ATXN10: variants seen among roughly 807,000 people sequenced by gnomAD.
ATXN10 encodes the protein ataxin-10.
In ATXN10, 28 loss-of-function variants were observed where a neutral mutation model predicts 52.9. The observed-to-expected ratio is 0.53, with a 90% CI of 0.39 to 0.73. The LOEUF is 0.73. ATXN10 is among the 30% of genes least tolerant of loss of function. ATXN10 has a pLI of 0.00. For missense variants in ATXN10, 565 were observed against 577.0 expected (o/e 0.98, Z 0.21); for synonymous variants, 226 against 221.5 (o/e 1.02, Z -0.18).
chr22:45,791,014 C>A (rs1027104968), intron 9 of ATXN10, among the ~76,000 whole-genome samples: 25 of 152,070 alleles, frequency 1.6e-4, no homozygotes, highest in African/African-American at 6.0e-4. Flanking sequence ...ACTGTCACAC[C>A]CAGCTAATTT....
Position 45,740,526 on chromosome 22 carries a change from T to C in ATXN10, c.1161T>C (p.Asp387=). ...GAAATCTGTGTTACAAGAATAAAGA[T>C]AACCAAGACAAGGTAAGAGGATTTC... is the stretch of plus-strand genomic sequence containing the variant. ...LIGNLCYKNK[D]NQDKVNELDG... The change falls in exon 9 of 12, where the codon GAT becomes GAC. Residue 387 remains aspartate (D), a synonymous_variant. Coordinates refer to ENST00000252934, the MANE Select transcript of ATXN10 (RefSeq NM_013236.4). 2 of 1,613,768 alleles carry C rather than the reference T, an allele frequency of 1.2e-6. No individual in the cohort carries two copies. The highest frequency in any genetic ancestry group is 1.7e-6 in the Non-Finnish European group (2 of 1,179,786).
rs577411697 is a variant in ATXN10, at chr22:45,844,907, T to G, written c.*1236T>G. On this transcript the variant is annotated 3_prime_UTR_variant, in exon 12 of 12. Transcript: ENST00000252934. The stretch of plus-strand genomic sequence containing the variant: ...CTGATTTGTAAAAATAGCTTAAGCA[T>G]GTTGAGAATGAAGTAAAAGTTTTCC... 2 of 152,246 alleles carry G rather than the reference T, an allele frequency of 1.3e-5. No homozygotes were observed. Among genetic ancestry groups the G allele is most frequent in the African/African-American group, 2.4e-5 (1 of 41,466 alleles). The allele number at this position is 152,246 out of a possible 1,614,324, so 9.4% of individuals were successfully genotyped here.
chr22:45,770,030 A>AC lies in ATXN10; in HGVS notation c.1173+29492_1173+29493insC, dbSNP rs200587355. 2.6e-5 allele frequency among the ~76,000 whole-genome samples: 4 copies of AC among 152,368 alleles called. No homozygotes were observed. In the East Asian group the frequency reaches 7.7e-4, roughly 29 times the overall value. ...CCCAGATGGCAAGACTAAGAGCTGAAGAAGGGCGGCTTAGGGTTTCTAGAC... is the reference window on the plus strand; with the variant it reads ...CCCAGATGGCAAGACTAAGAGCTGAACGAAGGGCGGCTTAGGGTTTCTAGAC... On this transcript the variant is annotated intron_variant, in intron 9 of 11. Coordinates refer to ENST00000252934, the MANE Select transcript of ATXN10 (RefSeq NM_013236.4). This position sits in a 1 kb window ranked among gnomAD's most constrained non-coding sequence, Gnocchi z 4.5.
At chr22:45,692,155 A>G (rs1923407849) in intron 2 of ATXN10, among the ~76,000 whole-genome samples, 1 of 152,216 alleles carries the variant, frequency 6.6e-6, no homozygotes, top group Non-Finnish European at 1.5e-5. Flanking sequence ...TGAATGTACA[A>G]CACAAGTTTA....
In ATXN10 at chr22:45,823,066, T is replaced by A. The variant is rs1928704431; in HGVS notation, c.1237+16044T>A. ...CTTATTATTTCATTGAGGTATAACTTAAATAGAGTAAACTGCAAAATTTTT... is the reference window on the plus strand; with the variant it reads ...CTTATTATTTCATTGAGGTATAACTAAAATAGAGTAAACTGCAAAATTTTT... On this transcript the variant is annotated intron_variant, in intron 10 of 11. Coordinates refer to ENST00000252934, the MANE Select transcript of ATXN10 (RefSeq NM_013236.4). This position sits in a 1 kb window ranked among gnomAD's most constrained non-coding sequence, Gnocchi z 4.9. The A allele has an allele frequency of 2.3e-6, 1 of 440,344 alleles. No homozygotes were observed. The highest frequency in any genetic ancestry group is 4.7e-6 in the Non-Finnish European group (1 of 214,068). The allele number at this position is 440,344 out of a possible 1,614,324, so 27.3% of individuals were successfully genotyped here.
chr22:45,778,936 G>A (rs1927052701), intron 9 of ATXN10, among the ~76,000 whole-genome samples: 1 of 152,190 alleles, frequency 6.6e-6, no homozygotes, highest in Non-Finnish European at 1.5e-5. Flanking sequence ...TGTCTGGTGA[G>A]TGGAATGGAT....
rs527269003 is a variant in ATXN10, at chr22:45,744,940, G to A, written c.1173+4402G>A. 6.6e-6 allele frequency: 1 copy of A among 152,298 alleles called. No homozygotes were observed. Among genetic ancestry groups the A allele is most frequent in the African/African-American group, 2.4e-5 (1 of 41,566 alleles). The allele number at this position is 152,298 out of a possible 1,614,324, so 9.4% of individuals were successfully genotyped here. ...GTGTTTCCTGAATTGTAAAGGAATT[G>A]CTAGACTTCCCTTTACCTCGTCATG... is the stretch of plus-strand genomic sequence containing the variant. On this transcript the variant is annotated intron_variant, in intron 9 of 11. Coordinates refer to ENST00000252934, the MANE Select transcript of ATXN10 (RefSeq NM_013236.4). The surrounding 1 kb of genome is among the most constrained non-coding windows in gnomAD (Gnocchi z 4.9).
Position 45,732,534 on chromosome 22 carries a change from T to C in ATXN10, c.894+2944T>C, listed in dbSNP as rs938503527. 6.6e-6 allele frequency among the ~76,000 whole-genome samples: 1 copy of C among 152,082 alleles called. No individual in the cohort carries two copies. Among genetic ancestry groups the C allele is most frequent in the Non-Finnish European group, 1.5e-5 (1 of 68,010 alleles). ...TTACTTTTGGAAGTTTATTGAGCTA[T>C]ACATTTATGACTTGTGCGTATTAAT... On this transcript the variant is annotated intron_variant, in intron 7 of 11. Coordinates refer to ENST00000252934, the MANE Select transcript of ATXN10 (RefSeq NM_013236.4). The surrounding 1 kb of genome is among the most constrained non-coding windows in gnomAD (Gnocchi z 4.5).
chr22:45,798,227 A>C (rs1927812918), intron 9 of ATXN10, among the ~76,000 whole-genome samples: 1 of 152,240 alleles, frequency 6.6e-6, no homozygotes, highest in Admixed American at 6.5e-5. Context: ...GGGAACAAAC[A>C]AAGTAACTAC....
At chr22:45,758,459 G>A (rs146780816) in intron 9 of ATXN10, among the ~76,000 whole-genome samples, 25 of 152,268 alleles carry the variant, frequency 1.6e-4, no homozygotes, top group African/African-American at 5.8e-4. Flanking sequence ...ATTCTTTTTG[G>A]TTCAAAAGAT....
chr22:45,782,406 C>T (rs1927179357), intron 9 of ATXN10, among the ~76,000 whole-genome samples: 2 of 152,170 alleles, frequency 1.3e-5, no homozygotes, highest in African/African-American at 4.8e-5. Context: ...CTGGAAACAA[C>T]CCAAGTGTCT....
intron 5 of ATXN10, among the ~76,000 whole-genome samples, chr22:45,709,564 C>T (rs1355185331): frequency 1.3e-5 from 2 of 152,176 alleles, no homozygotes; most frequent in Non-Finnish European, 2.9e-5. Context: ...CCTGTTCTTG[C>T]CTACTCAGGG....
chr22:45,688,742 A>T lies in ATXN10; in HGVS notation c.117-970A>T, dbSNP rs551939350. ...GTGAAAGGTAGGGCACTGTGAATCT[A>T]CAGCGAGAGCAGAAGGAGAAAATTC... On this transcript the variant is annotated intron_variant, in intron 1 of 11. Transcript: ENST00000252934. The surrounding 1 kb of genome is among the most constrained non-coding windows in gnomAD (Gnocchi z 4.0). Among the ~76,000 whole-genome samples the T allele has an allele frequency of 7.9e-5, 12 of 152,352 alleles. No individual in the cohort carries two copies. In the South Asian group the frequency reaches 2.5e-3, roughly 32 times the overall value.
At position 45,677,056 on chromosome 22, in the gene ATXN10, A is replaced by T. The variant is rs1481103494; in HGVS notation, c.116+4877A>T. On this transcript the variant is annotated intron_variant, in intron 1 of 11. Transcript: ENST00000252934. The surrounding 1 kb of genome is among the most constrained non-coding windows in gnomAD (Gnocchi z 4.1). ...TGTGATGTGACAGCACAGATATAGA[A>T]TATTTCCATCATCACAGAAAGTTCT... 6.6e-6 allele frequency: 1 copy of T among 152,264 alleles called. No homozygotes were observed. The highest frequency in any genetic ancestry group is 6.5e-5 in the Admixed American group (1 of 15,288). 9.4% of individuals were successfully genotyped at this position (152,264 alleles called of 1,614,324 possible). A position where few individuals can be genotyped will look rare whatever the true frequency, so the allele number is the denominator to read the frequency against.
intron 4 of ATXN10, 82 bp from the exon 5 acceptor site, chr22:45,702,607 A>C (rs1309958154): frequency 1.5e-6 from 2 of 1,347,046 alleles, no homozygotes; most frequent in Non-Finnish European, 2.1e-6. Flanking sequence ...CATGTAGTGA[A>C]TTTGACAATG....
Position 45,833,529 on chromosome 22 carries a change from C to T in ATXN10, c.1238-9462C>T, listed in dbSNP as rs1929061384. Among the ~76,000 whole-genome samples, 1 of 152,192 alleles carries T rather than the reference C, an allele frequency of 6.6e-6. No homozygotes were observed. Among genetic ancestry groups the T allele is most frequent in the Non-Finnish European group, 1.5e-5 (1 of 68,022 alleles). On this transcript the variant is annotated intron_variant, in intron 10 of 11. Transcript: ENST00000252934. The surrounding 1 kb of genome is among the most constrained non-coding windows in gnomAD (Gnocchi z 4.3). ...TACTTCATTAATTTTGAAATATCAA[C>T]AGTGCTAGACGAACACTAATGTCTT... is the stretch of plus-strand genomic sequence containing the variant.
At chr22:45,796,978 A>G (rs1927763972) in intron 9 of ATXN10, among the ~76,000 whole-genome samples, 1 of 152,220 alleles carries the variant, frequency 6.6e-6, no homozygotes. Context: ...GAATTTCCCT[A>G]GATGTAAAAG....
At chr22:45,703,522 G>GGGAC (rs1371026948) in intron 5 of ATXN10, among the ~76,000 whole-genome samples, 17 of 152,188 alleles carry the variant, frequency 1.1e-4, no homozygotes, top group African/African-American at 3.9e-4. Context: ...CACTTCTTCT[G>GGGAC]GGACTCCATG....
intron 9 of ATXN10, among the ~76,000 whole-genome samples, chr22:45,798,266 TA>T (rs1322645785): frequency 6.6e-6 from 1 of 152,112 alleles, no homozygotes; most frequent in African/African-American, 2.4e-5. Context: ...GTCAGAAACA[TA>T]AAAACACTTT....
Sources: gnomAD v4.1 joint callset for allele counts (sites outside exome capture counted in the v4.1 genomes callset) on GRCh38, gnomAD v4.1.1 for gene constraint, Gnocchi (gnomAD v3.1) non-coding constraint, MANE v1.5 for transcripts, NCBI Gene and HGNC (gene_info 2026-07-23, HGNC 2026-07-21) for gene names.